PLEKHB1: variants seen among roughly 807,000 people sequenced by gnomAD.
PLEKHB1 encodes the protein pleckstrin homology domain containing B1.
PLEKHB1 carries 29 observed loss-of-function variants against 36.2 expected under a neutral mutation model. The ratio of observed to expected loss-of-function variants is 0.80; its 90% CI spans 0.60 to 1.09. PLEKHB1 has a LOEUF of 1.09. Among genes scored for constraint, PLEKHB1 ranks in the 50% least tolerant of loss-of-function variants. The pLI is 0.00. For synonymous variants in PLEKHB1, 138 were observed against 140.0 expected, an observed-to-expected ratio of 0.99 and a Z score of 0.10; for missense variants, 330 against 348.2, an observed-to-expected ratio of 0.95 and a Z score of 0.42.
chr11:73,649,926 G>T (rs1723781646), intron 2 of PLEKHB1, among the ~76,000 whole-genome samples: 2 of 152,250 alleles, frequency 1.3e-5, no homozygotes, highest in Admixed American at 6.5e-5. Flanking sequence ...AAGAGGCCGG[G>T]CACAGTGGCT....
intron 6 of PLEKHB1, among the ~76,000 whole-genome samples, chr11:73,656,935 A>G (rs1404536276): frequency 6.6e-6 from 1 of 152,118 alleles, no homozygotes; most frequent in Non-Finnish European, 1.5e-5. Flanking sequence ...GGCAGGTTGC[A>G]AGGTCAGGAG....
At chr11:73,658,914 G>A (rs755959876) in intron 6 of PLEKHB1, among the ~76,000 whole-genome samples, 1 of 152,204 alleles carries the variant, frequency 6.6e-6, no homozygotes, top group Non-Finnish European at 1.5e-5. Flanking sequence ...GCTGTGCCTA[G>A]CCTTTCTTGA....
chr11:73,655,291 C>A (rs1049427718), intron 5 of PLEKHB1, among the ~76,000 whole-genome samples: 1 of 152,180 alleles, frequency 6.6e-6, no homozygotes, highest in African/African-American at 2.4e-5. Context: ...GTCTACCTAT[C>A]TTTGTGTGTT....
At chr11:73,654,457 A>G (rs1944955927) in intron 5 of PLEKHB1, among the ~76,000 whole-genome samples, 5 of 152,306 alleles carry the variant, frequency 3.3e-5, no homozygotes, top group African/African-American at 1.2e-4. Context: ...GGCAGCAGTG[A>G]CATCATTTCA....
intron 1 of PLEKHB1, chr11:73,648,024 A>G (rs1468280395): frequency 7.2e-6 from 7 of 977,950 alleles, no homozygotes; most frequent in Non-Finnish European, 8.5e-6. Flanking sequence ...GCTAACCCTC[A>G]GTTTGTCCAT....
intron 6 of PLEKHB1, 32 bp downstream of exon 6, chr11:73,655,939 T>C (rs1386591547): frequency 1.3e-6 from 2 of 1,586,562 alleles, no homozygotes; most frequent in Non-Finnish European, 1.7e-6. Flanking sequence ...CCTGCCTCCA[T>C]ACTGGCCACC....
At chr11:73,652,320 CA>C (rs760519324) in intron 4 of PLEKHB1, 15 of 183,744 alleles carry the variant, frequency 8.2e-5, no homozygotes, top group Non-Finnish European at 1.4e-4. Context: ...GCGTCCCAGG[CA>C]GGGGCACCCC....
At chr11:73,652,918 C>A in intron 4 of PLEKHB1, 57 bp from the exon 5 acceptor site, 1 of 1,473,034 alleles carries the variant, frequency 6.8e-7, no homozygotes, top group Non-Finnish European at 9.3e-7. Flanking sequence ...AATGTGGGGG[C>A]CCAATTCACC....
intron 5 of PLEKHB1, among the ~76,000 whole-genome samples, chr11:73,654,828 G>T (rs879674121): frequency 1.3e-5 from 2 of 152,182 alleles, no homozygotes; most frequent in Non-Finnish European, 2.9e-5. Flanking sequence ...AGCTCATGAT[G>T]GGCCTCAAAG....
intron 2 of PLEKHB1, 104 bp downstream of exon 2, chr11:73,649,191 T>C: frequency 5.1e-6 from 7 of 1,379,074 alleles, no homozygotes; most frequent in Non-Finnish European, 6.9e-6. Context: ...CTTTTCATCC[T>C]TCCCTTGTTT....
chr11:73,650,620 C>T lies in PLEKHB1; in HGVS notation c.162C>T (p.Tyr54=), dbSNP rs770455056. The T allele has an allele frequency of 5.6e-6, 9 of 1,613,302 alleles. No individual in the cohort carries two copies. In the South Asian group the frequency reaches 6.6e-5, roughly 12 times the overall value. Residue 54 remains tyrosine, a synonymous_variant, in exon 3 of 8, where the codon TAC becomes TAT. Coordinates refer to ENST00000354190, the MANE Select transcript of PLEKHB1 (RefSeq NM_021200.3). ...ALWLDGTLGY[Y]HDETAQDEED... ...GGCTGGACGGGACCCTGGGATACTA[C>T]CACGATGAGACAGCGCAGGACGAGG...
intron 6 of PLEKHB1, among the ~76,000 whole-genome samples, chr11:73,658,790 A>T (rs927275152): frequency 6.6e-6 from 1 of 152,058 alleles, no homozygotes. Context: ...CTAATTTTTT[A>T]ATTTTTTGTA....
Position 73,662,625 on chromosome 11 carries a change from C to T in PLEKHB1, c.*1023C>T, listed in dbSNP as rs1004076730. 4 of 152,510 alleles carry T rather than the reference C, an allele frequency of 2.6e-5. No homozygotes were observed. The highest frequency in any genetic ancestry group is 1.3e-4 in the Admixed American group (2 of 15,286). 9.4% of individuals were successfully genotyped at this position (152,510 alleles called of 1,614,324 possible). ...CCAGCCCAGGAAGCCCCATCTGTGC[C>T]TGCCCTCAGGTGGTCCACCAGTCTC... On this transcript the variant is annotated 3_prime_UTR_variant, in exon 8 of 8. Transcript: ENST00000354190.
At chr11:73,651,293 G>A in intron 3 of PLEKHB1, 1 of 386,198 alleles carries the variant, frequency 2.6e-6, no homozygotes, top group Non-Finnish European at 5.2e-6. Context: ...GGAGGCAGAG[G>A]TTGCAGTGAG....
At chr11:73,659,593 G>A (rs1945062827) in intron 6 of PLEKHB1, among the ~76,000 whole-genome samples, 1 of 152,110 alleles carries the variant, frequency 6.6e-6, no homozygotes, top group African/African-American at 2.4e-5. Flanking sequence ...AGAAAGGCCA[G>A]GAGAAAGGAT....
intron 6 of PLEKHB1, 36 bp downstream of exon 6, chr11:73,655,943 G>T: frequency 6.3e-7 from 1 of 1,580,544 alleles, no homozygotes. Flanking sequence ...CCTCCATACT[G>T]GCCACCAGGA....
At chr11:73,658,256 C>G (rs1044423481) in intron 6 of PLEKHB1, among the ~76,000 whole-genome samples, 1 of 152,306 alleles carries the variant, frequency 6.6e-6, no homozygotes, top group South Asian at 2.1e-4. Context: ...ATATCCCTAG[C>G]AAAGGAAAAT....
intron 6 of PLEKHB1, among the ~76,000 whole-genome samples, chr11:73,657,581 T>C (rs766272300): frequency 6.6e-6 from 1 of 152,144 alleles, no homozygotes; most frequent in Non-Finnish European, 1.5e-5. Context: ...AGGTGACTTA[T>C]AGGAGTTTAC....
At chr11:73,653,829 G>A (rs560449606) in intron 5 of PLEKHB1, among the ~76,000 whole-genome samples, 1 of 152,238 alleles carries the variant, frequency 6.6e-6, no homozygotes, top group Non-Finnish European at 1.5e-5. Flanking sequence ...GGGTTGGCAC[G>A]ACCAGGTCTT....
Sources: allele counts gnomAD v4.1 joint callset (sites outside exome capture counted in the v4.1 genomes callset), GRCh38; gene constraint gnomAD v4.1.1; transcripts MANE v1.5; gene names NCBI Gene and HGNC (gene_info 2026-07-23, HGNC 2026-07-21).